Variants in PBRM1 observed in about 807,000 individuals in gnomAD.
PBRM1 encodes the protein protein polybromo-1.
A neutral mutation model predicts 194.5 loss-of-function variants in PBRM1; 27 were observed. That is an observed-to-expected ratio of 0.14 (90% CI 0.10 to 0.19). PBRM1 has a LOEUF of 0.19. Among genes scored for constraint, PBRM1 ranks in the 10% least tolerant of loss-of-function variants. The pLI is 1.00. For missense variants in PBRM1, 1,466 were observed against 2,077.2 expected, an observed-to-expected ratio of 0.71 and a Z score of 5.72; for synonymous variants, 655 against 693.2, an observed-to-expected ratio of 0.94 and a Z score of 0.87.
Position 52,646,323 on chromosome 3 carries a change from C to T in PBRM1, c.814-1534G>A, listed in dbSNP as rs142656754. 7.2e-5 allele frequency among the ~76,000 whole-genome samples: 11 copies of T among 152,240 alleles called. No homozygotes were observed. The East Asian group carries it at 1.4e-3, about 19-fold the overall frequency. On this transcript the variant is annotated intron_variant, in intron 7 of 29. Transcript: ENST00000296302. ...TTTTCTGAGTCTCCTTTGGCAAATT[C>T]CCAATGATACACGATTAATTCAATA...
chr3:52,616,424 T>G (rs2094954528), intron 14 of PBRM1, among the ~76,000 whole-genome samples: 1 of 152,228 alleles, frequency 6.6e-6, no homozygotes, highest in Admixed American at 6.5e-5. Context: ...CCAGGCGCAG[T>G]GGCTCACGCC....
chr3:52,613,370 T>C (rs1432373583), intron 15 of PBRM1, among the ~76,000 whole-genome samples: 1 of 151,210 alleles, frequency 6.6e-6, no homozygotes, highest in East Asian at 1.9e-4. Flanking sequence ...GGTCTAGCTC[T>C]GTTGCCCATG....
At chr3:52,628,983 G>A (rs2153597136) in exon 12 of PBRM1, 1 of 1,610,146 alleles carries the variant, frequency 6.2e-7, no homozygotes, top group Non-Finnish European at 8.5e-7. Flanking sequence ...ATTAAATTCA[G>A]ATCACACTCC....
chr3:52,656,496 T>C (rs1181682668), intron 5 of PBRM1, among the ~76,000 whole-genome samples: 1 of 152,096 alleles, frequency 6.6e-6, no homozygotes, highest in East Asian at 1.9e-4. Flanking sequence ...AAAGCTTGTC[T>C]CTACTAAAAA....
At position 52,575,508 on chromosome 3, in the gene PBRM1, C is replaced by CTTT. The variant is rs1177139118; in HGVS notation, c.3691+1030_3691+1032dup. ...TAAACACATACTTTAAATCAATTGT[C>CTTT]TTTTTTTTTTTTTTTTTTTTTTTTT... On this transcript the variant is annotated intron_variant, in intron 22 of 29. Transcript: ENST00000296302. Among the ~76,000 whole-genome samples the CTTT allele has an allele frequency of 4.5e-3, 388 of 87,134 alleles. 22 individuals are homozygous for CTTT. Among genetic ancestry groups the CTTT allele is most frequent in the African/African-American group, 0.013 (264 of 20,416 alleles). The allele number at this position is 87,134 out of a possible 152,430, so 57.2% of individuals were successfully genotyped here.
intron 12 of PBRM1, among the ~76,000 whole-genome samples, chr3:52,628,199 A>G (rs1258557175): frequency 2.0e-5 from 3 of 152,046 alleles, no homozygotes; most frequent in Non-Finnish European, 4.4e-5. Flanking sequence ...AACAAAGTCT[A>G]GAACCAAAGG....
Position 52,609,512 on chromosome 3 carries a change from TGACTGACAC to T in PBRM1, c.2359_2367del (p.Val787_Val789del), listed in dbSNP as rs749022697. On this transcript the variant is annotated inframe_deletion, in exon 16 of 30. Transcript: ENST00000296302. This position sits in a 1 kb window ranked among gnomAD's most constrained non-coding sequence, Gnocchi z 4.1. The stretch of plus-strand genomic sequence containing the variant: ...CTTCCCTCATCATCCTGATGACTCA[TGACTGACAC>T]AAAAAGATTGTGGATAAGCTCTTGA... The T allele has an allele frequency of 6.2e-7, 1 of 1,613,860 alleles. No individual in the cohort carries two copies.
chr3:52,658,698 A>G (rs1191194448), intron 4 of PBRM1, among the ~76,000 whole-genome samples: 1 of 152,094 alleles, frequency 6.6e-6, no homozygotes, highest in African/African-American at 2.4e-5. Flanking sequence ...GGCCAAAGAA[A>G]GCAACTTCTA....
In PBRM1 at chr3:52,651,819, C is replaced by CA; in HGVS notation, c.646-10dup. 5.1e-6 allele frequency: 8 copies of CA among 1,579,418 alleles called. No homozygotes were observed. Among genetic ancestry groups the CA allele is most frequent in the Non-Finnish European group, 6.9e-6 (8 of 1,156,708 alleles). On this transcript the variant is annotated splice_polypyrimidine_tract_variant and intron_variant, in intron 5 of 29. Coordinates refer to ENST00000296302, the Ensembl canonical transcript of PBRM1. ...TAATAATCTGGATATTGCTGGAAGA[C>CA]AAAAAACCAGGCATGCTCAATAAGT...
upstream of PBRM1, among the ~76,000 whole-genome samples, chr3:52,684,430 A>G (rs2577838): frequency 0.97 from 147,906 of 152,244 alleles, 71,998 homozygotes; most frequent in Middle Eastern, 1. Context: ...GCCCTCTCCT[A>G]TATTTCTAGT....
intron 2 of PBRM1, among the ~76,000 whole-genome samples, chr3:52,677,273 T>G (rs2097126324): frequency 6.6e-6 from 1 of 152,200 alleles, no homozygotes; most frequent in South Asian, 2.1e-4. Context: ...ACCTACAGAA[T>G]GGCTCTATCA....
chr3:52,627,201 A>G (rs2095475133), intron 13 of PBRM1, 72 bp downstream of exon 14: 9 of 778,162 alleles, frequency 1.2e-5, no homozygotes, highest in Middle Eastern at 4.8e-4. Flanking sequence ...TAAAAAATAT[A>G]TATTTTCTTC....
intron 1 of PBRM1, among the ~76,000 whole-genome samples, chr3:52,679,029 T>G (rs1251069589): frequency 1.3e-5 from 2 of 152,166 alleles, no homozygotes; most frequent in Non-Finnish European, 2.9e-5. Flanking sequence ...TGGGTGGAGC[T>G]TGCCAGTTTC....
intron 10 of PBRM1, among the ~76,000 whole-genome samples, chr3:52,636,858 T>TAAAA (rs11379683): frequency 7.3e-6 from 1 of 137,502 alleles, no homozygotes; most frequent in Non-Finnish European, 1.5e-5. Context: ...GACTCCGCCT[T>TAAAA]AAAAAAAAAA....
At chr3:52,563,933 T>C in intron 23 of PBRM1, 117 bp downstream of exon 25, 1 of 641,124 alleles carries the variant, frequency 1.6e-6, no homozygotes, top group Non-Finnish European at 2.6e-6. Flanking sequence ...TATTTTCTAT[T>C]TGAAATATTT....
At chr3:52,613,018 T>C (rs1329033209) in intron 15 of PBRM1, among the ~76,000 whole-genome samples, 2 of 152,122 alleles carry the variant, frequency 1.3e-5, no homozygotes, top group African/African-American at 2.4e-5. Flanking sequence ...TCAGAAGAAC[T>C]TGATAATTTA....
rs994815042 is a variant in PBRM1, at chr3:52,615,529, A to G, written c.1819-73T>C. Reference sequence around the variant, plus strand: ...AAGGTATAAAATGCATCCATAAAGAAGTTTTAAAAAGACAGTTTATGATAG... The same window carrying G: ...AAGGTATAAAATGCATCCATAAAGAGGTTTTAAAAAGACAGTTTATGATAG... On this transcript the variant is annotated intron_variant, in intron 14 of 29. Transcript: ENST00000296302. 5.4e-6 allele frequency: 5 copies of G among 919,102 alleles called. No homozygotes were observed. The East Asian group carries it at 1.2e-4, about 23-fold the overall frequency. 56.9% of individuals were successfully genotyped at this position (919,102 alleles called of 1,614,324 possible).
intron 7 of PBRM1, among the ~76,000 whole-genome samples, chr3:52,647,630 A>G (rs2096359745): frequency 6.6e-6 from 1 of 151,880 alleles, no homozygotes; most frequent in Non-Finnish European, 1.5e-5. Context: ...TCCCTATAGT[A>G]GAATATTATT....
At chr3:52,551,814 A>G (rs1033810233) in intron 27 of PBRM1, 5 of 152,132 alleles carry the variant, frequency 3.3e-5, no homozygotes, top group African/African-American at 1.2e-4. Context: ...AAATCGTAAT[A>G]TTTTGTCCAG....
Sources: gnomAD v4.1 joint callset for allele counts (sites outside exome capture counted in the v4.1 genomes callset) on GRCh38, gnomAD v4.1.1 for gene constraint, Gnocchi (gnomAD v3.1) non-coding constraint, MANE v1.5 for transcripts, NCBI Gene and HGNC (gene_info 2026-07-23, HGNC 2026-07-21) for gene names.